Variants in CCDC171 observed in about 807,000 individuals in gnomAD.
CCDC171 encodes the protein coiled-coil domain-containing protein 171.
In CCDC171, 177 loss-of-function variants were observed where a neutral mutation model predicts 168.2. The ratio of observed to expected loss-of-function variants is 1.05; its 90% CI spans 0.93 to 1.19. CCDC171 has a LOEUF of 1.19. Ranked by LOEUF, CCDC171 falls within the 50% of genes most tolerant of loss-of-function variation. CCDC171 has a pLI of 0.00. For missense variants in CCDC171, 1,991 were observed against 1,539.0 expected (o/e 1.29, Z -4.91); for synonymous variants, 687 against 540.8 (o/e 1.27, Z -3.75).
chr9:15,699,609 G>A (rs878890794), intron 11 of CCDC171, among the ~76,000 whole-genome samples: 2 of 151,988 alleles, frequency 1.3e-5, no homozygotes, highest in South Asian at 2.1e-4. Context: ...ACAGAGTGTC[G>A]ACACAAAGGT....
chr9:15,938,155 G>A (rs1447385307), intron 25 of CCDC171, among the ~76,000 whole-genome samples: 2 of 151,694 alleles, frequency 1.3e-5, no homozygotes, highest in Non-Finnish European at 2.9e-5. Context: ...TCCTCACCTT[G>A]CAGATGAGGA....
At chr9:15,922,166 C>G (rs966438795) in intron 25 of CCDC171, 6 of 411,210 alleles carry the variant, frequency 1.5e-5, no homozygotes, top group South Asian at 1.1e-4. Context: ...GATTCTTCAT[C>G]TATAGAATGC....
intron 11 of CCDC171, among the ~76,000 whole-genome samples, chr9:15,718,785 T>C (rs2053259619): frequency 6.6e-6 from 1 of 152,346 alleles, no homozygotes; most frequent in Middle Eastern, 3.4e-3. Context: ...AATGCAGATA[T>C]AGCTGCAGTG....
At chr9:15,727,582 G>A (rs1455138657) in intron 14 of CCDC171, among the ~76,000 whole-genome samples, 6 of 152,156 alleles carry the variant, frequency 3.9e-5, no homozygotes, top group African/African-American at 1.4e-4. Context: ...CTGAGCAGGT[G>A]TTTACTCAAA....
chr9:16,056,505 C>T (rs1216279475), intron 1 of CCDC171, among the ~76,000 whole-genome samples: 2 of 151,676 alleles, frequency 1.3e-5, no homozygotes, highest in Non-Finnish European at 1.5e-5. Context: ...GTTTTGTTTT[C>T]GAGATGGAGT....
intron 21 of CCDC171, among the ~76,000 whole-genome samples, chr9:15,838,139 T>C (rs1280087015): frequency 6.6e-6 from 1 of 152,176 alleles, no homozygotes; most frequent in Non-Finnish European, 1.5e-5. Context: ...AGAAAATATA[T>C]GGCTAGAATG....
At chr9:15,666,457 A>G in intron 9 of CCDC171, 134 bp downstream of exon 9, 1 of 592,702 alleles carries the variant, frequency 1.7e-6, no homozygotes. Context: ...AAGTGACTTC[A>G]TAAAACATAA....
Position 15,727,947 on chromosome 9 carries a change from C to G in CCDC171, c.1771C>G (p.Leu591Val). ...GCTCATAAAACAACCAGAAGGCATGCTGGATAAATTCTCTTGGTCTGAGCT... is the reference window on the plus strand; with the variant it reads ...GCTCATAAAACAACCAGAAGGCATGGTGGATAAATTCTCTTGGTCTGAGCT... Reference protein sequence around the residue: ...CVLIKQPEGMLDKFSWSELCA... With the variant: ...CVLIKQPEGMVDKFSWSELCA... The change falls in exon 15 of 26, where the codon CTG becomes GTG. Residue 591 changes from leucine to valine, a missense_variant. Physicochemically the swap from Leu to Val is conservative, Grantham distance 32. Transcript: ENST00000380701. 1 of 1,613,256 alleles carries G rather than the reference C, an allele frequency of 6.2e-7. No homozygotes were observed. Among genetic ancestry groups the G allele is most frequent in the East Asian group, 2.2e-5 (1 of 44,846 alleles).
chr9:15,996,224 A>G (rs1486490513), intron 3 of CCDC171, among the ~76,000 whole-genome samples: 1 of 152,112 alleles, frequency 6.6e-6, no homozygotes, highest in East Asian at 1.9e-4. Flanking sequence ...ACCACAGAGC[A>G]GAGAATAAGC....
intron 16 of CCDC171, among the ~76,000 whole-genome samples, chr9:15,737,667 A>G (rs971182052): frequency 1.3e-5 from 2 of 152,222 alleles, no homozygotes; most frequent in Non-Finnish European, 2.9e-5. Flanking sequence ...ACAGTGCTTT[A>G]GAAACAAAAC....
chr9:15,860,121 G>A (rs886987277), intron 23 of CCDC171, among the ~76,000 whole-genome samples: 1 of 147,134 alleles, frequency 6.8e-6, no homozygotes, highest in African/African-American at 2.5e-5. Flanking sequence ...TGTGGTATCA[G>A]TTATAATTTG....
At chr9:15,912,567 A>G (rs886203042) in intron 24 of CCDC171, among the ~76,000 whole-genome samples, 5 of 152,088 alleles carry the variant, frequency 3.3e-5, no homozygotes, top group African/African-American at 9.7e-5. Context: ...TGCCTTGGCC[A>G]CAATTTCCAA....
intron 6 of CCDC171, among the ~76,000 whole-genome samples, chr9:15,612,837 A>G (rs1230944932): frequency 6.6e-6 from 1 of 152,142 alleles, no homozygotes; most frequent in Non-Finnish European, 1.5e-5. Flanking sequence ...TACCTGTCTT[A>G]CTAGTTTGTT....
intron 8 of CCDC171, among the ~76,000 whole-genome samples, chr9:15,660,619 A>T (rs980059604): frequency 2.0e-5 from 3 of 152,186 alleles, no homozygotes; most frequent in African/African-American, 4.8e-5. Context: ...AAGGGCTTCC[A>T]GCTGCATCCA....
chr9:15,950,814 A>G (rs914423295), intron 25 of CCDC171, among the ~76,000 whole-genome samples: 2 of 151,822 alleles, frequency 1.3e-5, no homozygotes, highest in Non-Finnish European at 2.9e-5. Context: ...CTCCAATTAA[A>G]AGACACAGAC....
intron 1 of CCDC171, among the ~76,000 whole-genome samples, chr9:16,055,365 G>A (rs1338465826): frequency 6.6e-6 from 1 of 152,150 alleles, no homozygotes; most frequent in Non-Finnish European, 1.5e-5. Context: ...GCCACAGGCT[G>A]GCTGAGCTGG....
At chr9:15,632,055 G>A (rs1172650403) in intron 7 of CCDC171, among the ~76,000 whole-genome samples, 5 of 152,122 alleles carry the variant, frequency 3.3e-5, no homozygotes, top group Non-Finnish European at 7.3e-5. Context: ...CAAACCCACA[G>A]CCAATATCAT....
intron 11 of CCDC171, among the ~76,000 whole-genome samples, chr9:15,709,374 A>G (rs922429021): frequency 6.6e-6 from 1 of 152,178 alleles, no homozygotes; most frequent in Non-Finnish European, 1.5e-5. Context: ...GGTGATTTGG[A>G]GGACAAAATG....
Position 15,821,595 on chromosome 9 carries a change from A to G in CCDC171, c.3268-25107A>G, listed in dbSNP as rs550750573. ...ACTCCCATTCACAATTGCTTCAAAG[A>G]GAATAAAATACCTAGGAATCCAACT... is the stretch of plus-strand genomic sequence containing the variant. On this transcript the variant is annotated intron_variant, in intron 21 of 25. Transcript: ENST00000380701. 9.4e-3 allele frequency among the ~76,000 whole-genome samples: 1,094 copies of G among 116,982 alleles called. 311 individuals are homozygous for G. The highest frequency in any genetic ancestry group is 0.031 in the Middle Eastern group (7 of 224). 76.7% of individuals were successfully genotyped at this position (116,982 alleles called of 152,430 possible).
Sources: gnomAD v4.1 joint callset for allele counts (sites outside exome capture counted in the v4.1 genomes callset) on GRCh38, gnomAD v4.1.1 for gene constraint, MANE v1.5 for transcripts, NCBI Gene and HGNC (gene_info 2026-07-23, HGNC 2026-07-21) for gene names.